Variants in SFXN5 observed in about 807,000 individuals in gnomAD.
SFXN5 encodes the protein sideroflexin-5.
In SFXN5, 43 loss-of-function variants were observed where a neutral mutation model predicts 50.2. The observed-to-expected ratio is 0.86, with a 90% CI of 0.67 to 1.11. The LOEUF (loss-of-function observed/expected upper bound fraction) is 1.11, where lower values mean the gene tolerates loss of function less well. Ranked by LOEUF, SFXN5 falls within the 50% of genes least tolerant of loss-of-function variation. The pLI, the probability that SFXN5 is intolerant of heterozygous loss-of-function variation, is 0.00. For missense variants in SFXN5, 463 were observed against 454.1 expected, an observed-to-expected ratio of 1.02 and a Z score of -0.18; for synonymous variants, 203 against 185.8, an observed-to-expected ratio of 1.09 and a Z score of -0.75.
At chr2:73,042,059 G>T (rs1189950824) in intron 2 of SFXN5, among the ~76,000 whole-genome samples, 1 of 152,128 alleles carries the variant, frequency 6.6e-6, no homozygotes, top group Admixed American at 6.6e-5. Context: ...CACTGGCAGA[G>T]ATTAACCTAC....
chr2:72,966,599 G>A (rs1487838645), intron 12 of SFXN5, among the ~76,000 whole-genome samples: 2 of 152,174 alleles, frequency 1.3e-5, no homozygotes, highest in African/African-American at 4.8e-5. Flanking sequence ...GGGTGAGAGA[G>A]GGCTCACCTC....
intron 1 of SFXN5, among the ~76,000 whole-genome samples, chr2:73,063,085 T>C (rs1378662672): frequency 6.6e-6 from 1 of 152,202 alleles, no homozygotes; most frequent in African/African-American, 2.4e-5. Context: ...ACATGAATGT[T>C]TGTTAACCAG....
chr2:73,050,388 G>GCGCGCGCGCGCACACACACACACACACA, intron 2 of SFXN5, among the ~76,000 whole-genome samples: 4 of 143,808 alleles, frequency 2.8e-5, no homozygotes, highest in South Asian at 2.1e-4. Context: ...CAGCCACAGC[G>GCGCGCGCGCGCACACACACACACACACA]CACGCACACA....
chr2:73,039,259 T>C (rs890135252), intron 3 of SFXN5, among the ~76,000 whole-genome samples: 2 of 152,198 alleles, frequency 1.3e-5, no homozygotes, highest in African/African-American at 4.8e-5. Context: ...CACTGTCATA[T>C]ATGTGATCCC....
In SFXN5 at chr2:72,970,693, GT is replaced by G. The variant is rs796392631; in HGVS notation, c.741+876del. On this transcript the variant is annotated intron_variant, in intron 11 of 13. Transcript: ENST00000272433. ...ATGTACACATGGACTCATGGACTGC[GT>G]TTTTTTTTTTTGAGACGGAGTTTCG... Among the ~76,000 whole-genome samples the G allele has an allele frequency of 3.2e-3, 467 of 145,284 alleles. 3 individuals carry two copies. Among genetic ancestry groups the G allele is most frequent in the Middle Eastern group, 0.015 (4 of 272 alleles).
intron 2 of SFXN5, among the ~76,000 whole-genome samples, chr2:73,053,055 T>C (rs968319251): frequency 6.6e-6 from 1 of 152,002 alleles, no homozygotes; most frequent in Admixed American, 6.6e-5. Context: ...CATGCACTTG[T>C]AGTCCCAGCT....
chr2:73,006,056 C>A (rs949979771), intron 6 of SFXN5, among the ~76,000 whole-genome samples: 2 of 152,152 alleles, frequency 1.3e-5, no homozygotes, highest in Non-Finnish European at 2.9e-5. Flanking sequence ...CTTGCTCTGA[C>A]TGACAGCACG....
At chr2:72,986,235 G>A (rs1671908020) in intron 10 of SFXN5, among the ~76,000 whole-genome samples, 2 of 152,250 alleles carry the variant, frequency 1.3e-5, no homozygotes, top group Admixed American at 1.3e-4. Context: ...GCTGAGCCAG[G>A]TGGCTGGTTC....
chr2:73,034,506 A>G (rs191425144), intron 3 of SFXN5, among the ~76,000 whole-genome samples: 24 of 152,318 alleles, frequency 1.6e-4, no homozygotes, highest in Middle Eastern at 3.4e-3. Flanking sequence ...TCTTTCTCCT[A>G]GGCAGGTCGC....
At chr2:72,952,001 G>C (rs1352166885) in intron 13 of SFXN5, among the ~76,000 whole-genome samples, 1 of 152,168 alleles carries the variant, frequency 6.6e-6, no homozygotes, top group African/African-American at 2.4e-5. Flanking sequence ...CTTTGGGAGA[G>C]CTATCTTGAG....
Position 73,000,571 on chromosome 2 carries a change from C to T in SFXN5, c.412-84G>A, listed in dbSNP as rs865832853. ...CCTGGACCCCAGGAGGCCACACATC[C>T]CCAGAAAGGCACAGCATGCGGTCTC... is the stretch of plus-strand genomic sequence containing the variant. On this transcript the variant is annotated intron_variant, in intron 7 of 13. Transcript: ENST00000272433. 15 of 1,313,304 alleles carry T rather than the reference C, an allele frequency of 1.1e-5. No individual in the cohort carries two copies. The Middle Eastern group carries it at 5.8e-4, about 51-fold the overall frequency. 81.4% of individuals were successfully genotyped at this position (1,313,304 alleles called of 1,614,324 possible).
intron 3 of SFXN5, among the ~76,000 whole-genome samples, chr2:73,040,515 T>TA (rs1175325644): frequency 6.6e-6 from 1 of 152,202 alleles, no homozygotes; most frequent in Non-Finnish European, 1.5e-5. Flanking sequence ...TTCTATGGTA[T>TA]AAATACTCCC....
intron 10 of SFXN5, among the ~76,000 whole-genome samples, chr2:72,984,130 G>T (rs981411379): frequency 6.6e-6 from 1 of 152,216 alleles, no homozygotes; most frequent in Non-Finnish European, 1.5e-5. Context: ...AATCGATTCC[G>T]ATGCCAGCAC....
At chr2:73,013,377 C>CAAGAATAATCA (rs1675774948) in intron 6 of SFXN5, among the ~76,000 whole-genome samples, 3 of 150,038 alleles carry the variant, frequency 2.0e-5, no homozygotes, top group Non-Finnish European at 3.0e-5. Flanking sequence ...AAATTCAAGG[C>CAAGAATAATCA]AAGAATAATC....
rs375587176 is a variant in SFXN5 at position 72,968,520 on chromosome 2, G to A, written c.755C>T (p.Thr252Met). The A allele has an allele frequency of 2.0e-4, 325 of 1,613,372 alleles. 1 individual carries two copies. The highest frequency in any genetic ancestry group is 2.4e-4 in the African/African-American group (18 of 75,038). Residue 252 changes from threonine to methionine, a missense_variant, in exon 12 of 14, where the codon ACG becomes ATG. Thr to Met is a moderately conservative substitution (Grantham distance 81). Coordinates refer to ENST00000272433, the MANE Select transcript of SFXN5 (RefSeq NM_144579.3). ...GGGCAGGACCACTCGCGTCAGCGCCGTCTCCAGCAGGGCCTGAGGGGCAGG... is the reference window on the plus strand; with the variant it reads ...GGGCAGGACCACTCGCGTCAGCGCCATCTCCAGCAGGGCCTGAGGGGCAGG... ...KIAARHALLE[T>M]ALTRVVLPMP...
intron 2 of SFXN5, among the ~76,000 whole-genome samples, chr2:73,041,899 T>C (rs1488413306): frequency 2.0e-5 from 3 of 152,058 alleles, no homozygotes; most frequent in Admixed American, 6.6e-5. Flanking sequence ...GGGTTTTGCA[T>C]TGTTGCTCAG....
intron 13 of SFXN5, among the ~76,000 whole-genome samples, chr2:72,951,708 A>G (rs1486594767): frequency 1.6e-5 from 2 of 125,902 alleles, no homozygotes; most frequent in African/African-American, 6.1e-5. Flanking sequence ...CTCCTTTTCA[A>G]AGGCATGGGG....
chr2:72,965,284 G>T (rs1382388955), intron 12 of SFXN5, among the ~76,000 whole-genome samples: 8 of 152,142 alleles, frequency 5.3e-5, no homozygotes, highest in Admixed American at 5.2e-4. Context: ...GGAGAGCCTG[G>T]GCCACCAAGC....
At chr2:72,981,996 T>TGC (rs111696848) in intron 10 of SFXN5, among the ~76,000 whole-genome samples, 1,712 of 142,980 alleles carry the variant, frequency 0.012, 34 homozygotes, top group African/African-American at 0.039. Flanking sequence ...TGTGTGTGTG[T>TGC]GCGTGCCATT....
Sources: gnomAD v4.1 joint callset for allele counts (sites outside exome capture counted in the v4.1 genomes callset) on GRCh38, gnomAD v4.1.1 for gene constraint, MANE v1.5 for transcripts, NCBI Gene and HGNC (gene_info 2026-07-23, HGNC 2026-07-21) for gene names.